Variants in TMEM50B observed in about 807,000 individuals in gnomAD.
TMEM50B encodes HCV p7-trans-regulated protein 3.
TMEM50B carries 14 observed loss-of-function variants against 23.4 expected under a neutral mutation model. The observed-to-expected ratio is 0.60, with a 90% CI of 0.39 to 0.93. The LOEUF (loss-of-function observed/expected upper bound fraction) is 0.93, where lower values mean the gene tolerates loss of function less well. TMEM50B is among the 40% of genes least tolerant of loss of function. The pLI, the probability that TMEM50B is intolerant of heterozygous loss-of-function variation, is 0.00. For synonymous variants in TMEM50B, 64 were observed against 62.3 expected, an observed-to-expected ratio of 1.03 and a Z score of -0.13; for missense variants, 159 against 193.0, an observed-to-expected ratio of 0.82 and a Z score of 1.04.
intron 8 of TMEM50B, among the ~76,000 whole-genome samples, chr21:33,438,650 T>C (rs542870548): frequency 4.6e-5 from 7 of 151,786 alleles, no homozygotes; most frequent in African/African-American, 1.7e-4. Context: ...GCACAAAAAT[T>C]AGCTGAGTGT....
chr21:33,445,496 C>G (rs2084044865), downstream of TMEM50B, among the ~76,000 whole-genome samples: 1 of 152,248 alleles, frequency 6.6e-6, no homozygotes, highest in South Asian at 2.1e-4. Context: ...AGGAAACATC[C>G]CTTCAAAAGT....
At chr21:33,436,731 A>G in intron 8 of TMEM50B, 1 of 1,016,322 alleles carries the variant, frequency 9.8e-7, no homozygotes, top group Non-Finnish European at 1.4e-6. Flanking sequence ...AAAAAAAAAT[A>G]AAAATAAAAA....
At chr21:33,455,431 C>G (rs924098707) in intron 6 of TMEM50B, among the ~76,000 whole-genome samples, 7 of 152,106 alleles carry the variant, frequency 4.6e-5, no homozygotes, top group Non-Finnish European at 1.0e-4. Context: ...AGCAATCCAC[C>G]CACTTCAGCC....
chr21:33,453,915 T>C (rs1386524911), intron 6 of TMEM50B, among the ~76,000 whole-genome samples: 2 of 151,724 alleles, frequency 1.3e-5, no homozygotes, highest in Non-Finnish European at 2.9e-5. Flanking sequence ...ACCGGCCTGG[T>C]CAACATGGCA....
At chr21:33,477,466 GCT>G (rs369063142) in intron 1 of TMEM50B, among the ~76,000 whole-genome samples, 1 of 152,244 alleles carries the variant, frequency 6.6e-6, no homozygotes, top group African/African-American at 2.4e-5. Context: ...ATACCTCTGC[GCT>G]GTCTGAATTT....
At chr21:33,434,885 CTA>C (rs775143378) in intron 8 of TMEM50B, among the ~76,000 whole-genome samples, 6 of 152,198 alleles carry the variant, frequency 3.9e-5, no homozygotes, top group Non-Finnish European at 7.3e-5. Flanking sequence ...CATGAATATA[CTA>C]TGAGTCATTC....
chr21:33,444,299 G>A (rs1601106446), downstream of TMEM50B, among the ~76,000 whole-genome samples: 1 of 152,190 alleles, frequency 6.6e-6, no homozygotes, highest in African/African-American at 2.4e-5. Flanking sequence ...TGTAATCCTA[G>A]CACTTTGGGA....
intron 1 of TMEM50B, among the ~76,000 whole-genome samples, chr21:33,478,264 C>A (rs183756444): frequency 2.4e-4 from 36 of 152,000 alleles, no homozygotes; most frequent in Non-Finnish European, 4.7e-4. Context: ...GTCAGGAGTT[C>A]AAGACCAGCC....
exon 9 of TMEM50B, chr21:33,432,542 A>G: frequency 1.1e-6 from 1 of 870,668 alleles, no homozygotes; most frequent in East Asian, 2.5e-5. Context: ...ATTTCATTAC[A>G]GGATTGACTT....
intron 5 of TMEM50B, among the ~76,000 whole-genome samples, chr21:33,459,317 T>C (rs7276600): frequency 0.18 from 28,047 of 152,146 alleles, 3,157 homozygotes; most frequent in Non-Finnish European, 0.24. Context: ...ATGAAGAGTA[T>C]ACATATGTGT....
chr21:33,439,367 G>A (rs959223286), intron 7 of TMEM50B: 2 of 151,986 alleles, frequency 1.3e-5, no homozygotes, highest in African/African-American at 2.4e-5. Context: ...GTTAGGGTAA[G>A]TGCATCTGTG....
chr21:33,455,702 G>A lies in TMEM50B; in HGVS notation c.431+25C>T, dbSNP rs140433940. 1.1e-3 allele frequency: 1,769 copies of A among 1,588,676 alleles called. 18 individuals carry two copies. In the African/African-American group the frequency reaches 0.022, roughly 19 times the overall value. ...TGACATTTCTGTAAATGTTACAGGCGTGGTTAAAAAATAAGGCAACTTACC... is the reference window on the plus strand; with the variant it reads ...TGACATTTCTGTAAATGTTACAGGCATGGTTAAAAAATAAGGCAACTTACC... On this transcript the variant is annotated intron_variant, in intron 6 of 6. Transcript: ENST00000542230.
intron 5 of TMEM50B, among the ~76,000 whole-genome samples, chr21:33,456,429 C>G (rs796913130): frequency 7.2e-5 from 11 of 152,290 alleles, no homozygotes; most frequent in African/African-American, 2.6e-4. Context: ...ATTTATCATT[C>G]TCTTTCACTG....
At chr21:33,477,359 T>C (rs766564407) in intron 1 of TMEM50B, among the ~76,000 whole-genome samples, 2 of 152,104 alleles carry the variant, frequency 1.3e-5, no homozygotes, top group East Asian at 1.9e-4. Flanking sequence ...TGTCCTTATA[T>C]TATCATCAGT....
At chr21:33,463,079 G>A (rs1314208393) in intron 4 of TMEM50B, among the ~76,000 whole-genome samples, 4 of 152,106 alleles carry the variant, frequency 2.6e-5, no homozygotes, top group African/African-American at 9.7e-5. Flanking sequence ...ATCACCTGAG[G>A]TCAGGAGTTT....
At chr21:33,455,678 G>A (rs1238217859) in intron 6 of TMEM50B, 49 bp downstream of exon 6, 1 of 1,458,046 alleles carries the variant, frequency 6.9e-7, no homozygotes. Context: ...TAATTAAGTT[G>A]ACATTTCTGT....
rs578232129 is a variant in TMEM50B, at chr21:33,450,055, C to A, written c.*763G>T. On this transcript the variant is annotated 3_prime_UTR_variant, in exon 7 of 7. Transcript: ENST00000542230. ...AGTACACTTCTTCAATACATAAGAA[C>A]AAATATTTTTTCTTTACCAAAAAAA... is the stretch of plus-strand genomic sequence containing the variant. 1 of 152,242 alleles carries A rather than the reference C, an allele frequency of 6.6e-6. No individual in the cohort carries two copies. The highest frequency in any genetic ancestry group is 1.9e-4 in the East Asian group (1 of 5,186). The allele number at this position is 152,242 out of a possible 1,614,324, so 9.4% of individuals were successfully genotyped here. A position where few individuals can be genotyped will look rare whatever the true frequency, so the allele number is the denominator to read the frequency against.
chr21:33,470,424 C>CAAAAAAAA lies in TMEM50B; in HGVS notation c.-41-1506_-41-1499dup, dbSNP rs71194848. ...TGGGAGACAAAGCGAGACTGTGTCT[C>CAAAAAAAA]AAAAAAAAAAAAAAAAAAAAAAATC... is the stretch of plus-strand genomic sequence containing the variant. On this transcript the variant is annotated intron_variant, in intron 1 of 6. Coordinates refer to ENST00000542230, the MANE Select transcript of TMEM50B (RefSeq NM_006134.7). Among the ~76,000 whole-genome samples the CAAAAAAAA allele has an allele frequency of 1.5e-3, 97 of 65,918 alleles. 4 individuals are homozygous for CAAAAAAAA. The highest frequency in any genetic ancestry group is 2.0e-3 in the Non-Finnish European group (70 of 35,420). The allele number at this position is 65,918 out of a possible 152,430, so 43.2% of individuals were successfully genotyped here.
chr21:33,475,458 T>C (rs557466513), intron 1 of TMEM50B, among the ~76,000 whole-genome samples: 5 of 152,014 alleles, frequency 3.3e-5, no homozygotes, highest in Non-Finnish European at 5.9e-5. Flanking sequence ...AGCAGTTATC[T>C]GCCCCCACCT....
Sources: allele counts gnomAD v4.1 joint callset (sites outside exome capture counted in the v4.1 genomes callset), GRCh38; gene constraint gnomAD v4.1.1; transcripts MANE v1.5; gene names NCBI Gene and HGNC (gene_info 2026-07-23, HGNC 2026-07-21).